CHN1: variants seen among roughly 807,000 people sequenced by gnomAD.
The protein encoded by CHN1 is N-chimaerin.
In CHN1, 37 loss-of-function variants were observed where a neutral mutation model predicts 59.5. The observed-to-expected ratio is 0.62, with a 90% CI of 0.48 to 0.82. The LOEUF is 0.82. Among genes scored for constraint, CHN1 ranks in the 40% least tolerant of loss-of-function variants. The pLI is 0.00. For synonymous variants in CHN1, 206 were observed against 200.4 expected, an observed-to-expected ratio of 1.03 and a Z score of -0.24; for missense variants, 469 against 571.0, an observed-to-expected ratio of 0.82 and a Z score of 1.82.
At chr2:174,942,493 C>A (rs1689695221) in intron 3 of CHN1, among the ~76,000 whole-genome samples, 1 of 151,932 alleles carries the variant, frequency 6.6e-6, no homozygotes, top group East Asian at 1.9e-4. Context: ...ACAGTGGTAT[C>A]TAGAGGCTGG....
intron 7 of CHN1, chr2:174,846,262 T>C (rs959878861): frequency 9.2e-6 from 14 of 1,519,148 alleles, no homozygotes; most frequent in Non-Finnish European, 1.2e-5. Context: ...AAAATTCAAG[T>C]ACAGTTGATA....
chr2:174,988,356 CAAA>C (rs368043665), intron 1 of CHN1, among the ~76,000 whole-genome samples: 10 of 61,394 alleles, frequency 1.6e-4, no homozygotes, highest in Non-Finnish European at 2.1e-4. Context: ...AACTCCGTCT[CAAA>C]AAAAAAAAAA....
chr2:174,813,506 G>A (rs1685144787), intron 8 of CHN1, among the ~76,000 whole-genome samples: 1 of 152,160 alleles, frequency 6.6e-6, no homozygotes, highest in African/African-American at 2.4e-5. Context: ...TAACTTCTAA[G>A]ATGCCAGAAA....
chr2:174,896,048 T>C (rs1247839033), intron 5 of CHN1, among the ~76,000 whole-genome samples: 2 of 152,060 alleles, frequency 1.3e-5, no homozygotes, highest in Non-Finnish European at 2.9e-5. Flanking sequence ...AAGTTCTTAA[T>C]AATTTTGGGC....
chr2:174,958,387 G>T (rs963549379), intron 1 of CHN1, among the ~76,000 whole-genome samples: 2 of 152,190 alleles, frequency 1.3e-5, no homozygotes, highest in African/African-American at 4.8e-5. Flanking sequence ...CATGAAGGTG[G>T]TTGGGGAACT....
intron 5 of CHN1, among the ~76,000 whole-genome samples, chr2:174,894,229 A>C (rs1386179536): frequency 3.9e-5 from 6 of 152,158 alleles, no homozygotes; most frequent in Admixed American, 3.9e-4. Context: ...ATATGGGGCT[A>C]ATATCCAGAA....
intron 1 of CHN1, among the ~76,000 whole-genome samples, chr2:174,981,501 T>A (rs1281228539): frequency 6.6e-6 from 1 of 152,216 alleles, no homozygotes; most frequent in Non-Finnish European, 1.5e-5. Context: ...TCTCAGCAGA[T>A]GAAACATCTA....
chr2:174,989,254 T>C (rs1052544923), intron 1 of CHN1, among the ~76,000 whole-genome samples: 3 of 151,846 alleles, frequency 2.0e-5, no homozygotes. Context: ...CGGGCGCCTG[T>C]AATCCCAGCT....
chr2:174,973,785 C>T (rs770653379), intron 1 of CHN1, among the ~76,000 whole-genome samples: 2 of 152,098 alleles, frequency 1.3e-5, no homozygotes, highest in African/African-American at 4.8e-5. Context: ...ACCCAGGGCA[C>T]GTCAATTGGA....
intron 3 of CHN1, among the ~76,000 whole-genome samples, chr2:174,918,821 C>T (rs895879566): frequency 1.3e-5 from 2 of 152,094 alleles, no homozygotes; most frequent in Non-Finnish European, 2.9e-5. Flanking sequence ...TAGAATTTAA[C>T]GAGCTGAAAA....
At chr2:174,867,990 G>A (rs1410343214) in intron 6 of CHN1, among the ~76,000 whole-genome samples, 7 of 152,114 alleles carry the variant, frequency 4.6e-5, no homozygotes, top group Admixed American at 1.3e-4. Flanking sequence ...TAATCTATGC[G>A]TAGGAAGACA....
chr2:174,832,540 T>C (rs1217896286), intron 7 of CHN1, among the ~76,000 whole-genome samples: 1 of 152,122 alleles, frequency 6.6e-6, no homozygotes, highest in South Asian at 2.1e-4. Flanking sequence ...TATTTTCTAA[T>C]GTATCTTGTG....
intron 6 of CHN1, among the ~76,000 whole-genome samples, chr2:174,850,439 T>C (rs1463462743): frequency 6.6e-6 from 1 of 152,038 alleles, no homozygotes; most frequent in African/African-American, 2.4e-5. Context: ...ACCTTGGGAG[T>C]TCTGCTTTGT....
chr2:174,817,394 T>G (rs1240922510), intron 8 of CHN1, among the ~76,000 whole-genome samples: 1 of 151,532 alleles, frequency 6.6e-6, no homozygotes, highest in African/African-American at 2.4e-5. Flanking sequence ...TGCATGCACA[T>G]AAAACATCTG....
intron 5 of CHN1, among the ~76,000 whole-genome samples, chr2:174,914,433 GA>G (rs1354061735): frequency 6.6e-6 from 1 of 152,132 alleles, no homozygotes; most frequent in Non-Finnish European, 1.5e-5. Context: ...TATGAGTTAT[GA>G]ATATCTTTTC....
At chr2:174,840,161 CTTTTTTTTTTTTTTT>C (rs71407154) in intron 7 of CHN1, among the ~76,000 whole-genome samples, 2 of 67,388 alleles carry the variant, frequency 3.0e-5, no homozygotes, top group Non-Finnish European at 5.3e-5. Context: ...TAAAACCATT[CTTTTTTTTTTTTTTT>C]TTTTTTTTTT....
rs79896332 is a variant in CHN1 at position 174,933,444 on chromosome 2, G to C, written c.114+11444C>G. On this transcript the variant is annotated intron_variant, in intron 3 of 12. Coordinates refer to ENST00000409900, the MANE Select transcript of CHN1 (RefSeq NM_001822.7). The stretch of plus-strand genomic sequence containing the variant: ...AGAAAAATGTATCAAGGAGGAGAAA[G>C]TCATCACTTGTATCAGATGCTCCTA... 2.0e-3 allele frequency among the ~76,000 whole-genome samples: 303 copies of C among 151,976 alleles called. 1 individual carries two copies. The highest frequency in any genetic ancestry group is 6.9e-3 in the African/African-American group (286 of 41,444).
At chr2:174,972,299 C>T (rs1378104745) in intron 1 of CHN1, among the ~76,000 whole-genome samples, 1 of 152,140 alleles carries the variant, frequency 6.6e-6, no homozygotes, top group African/African-American at 2.4e-5. Context: ...TGACCCACGG[C>T]AGGGTGATAT....
At chr2:174,861,499 T>C (rs114207836) in intron 6 of CHN1, among the ~76,000 whole-genome samples, 1,964 of 152,332 alleles carry the variant, frequency 0.013, 19 homozygotes, top group Middle Eastern at 0.027. Context: ...GTCTGAATGA[T>C]TTCAGTCTCC....
Sources: allele counts gnomAD v4.1 joint callset (sites outside exome capture counted in the v4.1 genomes callset), GRCh38; gene constraint gnomAD v4.1.1; transcripts MANE v1.5; gene names NCBI Gene and HGNC (gene_info 2026-07-23, HGNC 2026-07-21).